SLX4IP: variants seen among roughly 807,000 people sequenced by gnomAD.
The protein encoded by SLX4IP is SLX4 interacting protein.
A neutral mutation model predicts 32.9 loss-of-function variants in SLX4IP; 34 were observed. That is an observed-to-expected ratio of 1.03 (90% confidence interval 0.79 to 1.38). SLX4IP has a LOEUF of 1.38. Ranked by LOEUF, SLX4IP falls within the 40% of genes most tolerant of loss-of-function variation. The probability of loss-of-function intolerance (pLI) is 0.00; values close to 1 mark genes in which losing one functional copy is unlikely to be tolerated. For missense variants in SLX4IP, 444 were observed against 479.0 expected, an observed-to-expected ratio of 0.93 and a Z score of 0.68; for synonymous variants, 172 against 171.7, an observed-to-expected ratio of 1.00 and a Z score of -0.01.
chr20:10,477,801 A>T (rs1039510212), intron 2 of SLX4IP, among the ~76,000 whole-genome samples: 19 of 152,192 alleles, frequency 1.2e-4, no homozygotes, highest in Admixed American at 5.2e-4. Context: ...ATCTATTTTA[A>T]GATTATATAG....
chr20:10,488,806 T>A (rs560757931), intron 2 of SLX4IP, among the ~76,000 whole-genome samples: 24 of 152,106 alleles, frequency 1.6e-4, no homozygotes, highest in Non-Finnish European at 3.2e-4. Flanking sequence ...CATTCAAGAG[T>A]CATTGGTGAT....
chr20:10,538,296 G>T (rs1157584887), intron 2 of SLX4IP, among the ~76,000 whole-genome samples: 1 of 151,994 alleles, frequency 6.6e-6, no homozygotes, highest in Non-Finnish European at 1.5e-5. Context: ...TTTAGACAAG[G>T]TTTCTCTACT....
At chr20:10,551,339 G>A (rs2066216238) in intron 2 of SLX4IP, among the ~76,000 whole-genome samples, 2 of 152,178 alleles carry the variant, frequency 1.3e-5, no homozygotes, top group African/African-American at 2.4e-5. Context: ...CCAGAATAGG[G>A]AGAGAGGAAG....
chr20:10,590,421 C>A (rs561003859), intron 4 of SLX4IP, among the ~76,000 whole-genome samples: 1 of 151,884 alleles, frequency 6.6e-6, no homozygotes, highest in East Asian at 1.9e-4. Flanking sequence ...AGTGCAGTGG[C>A]GCGATCTCGG....
chr20:10,595,047 G>A (rs1052066609), intron 4 of SLX4IP, among the ~76,000 whole-genome samples: 5 of 152,054 alleles, frequency 3.3e-5, no homozygotes, highest in East Asian at 1.9e-4. Context: ...AGCTTTTTAC[G>A]ACATACAGAG....
At chr20:10,610,623 C>T (rs1378781383) in intron 6 of SLX4IP, among the ~76,000 whole-genome samples, 3 of 152,352 alleles carry the variant, frequency 2.0e-5, no homozygotes, top group Non-Finnish European at 4.4e-5. Flanking sequence ...GTGCTAGCCC[C>T]TGTGCCAAGT....
At chr20:10,547,884 C>A (rs1363163368) in intron 2 of SLX4IP, among the ~76,000 whole-genome samples, 1 of 152,198 alleles carries the variant, frequency 6.6e-6, no homozygotes, top group Non-Finnish European at 1.5e-5. Flanking sequence ...GAAGGCAGCT[C>A]CTCCACAAAG....
chr20:10,621,521 C>T, intron 7 of SLX4IP, 107 bp downstream of exon 7: 2 of 927,932 alleles, frequency 2.2e-6, no homozygotes, highest in Non-Finnish European at 1.7e-6. Context: ...AGCACAAACT[C>T]CCCTCCGTCA....
chr20:10,501,773 A>G (rs1356047736), intron 2 of SLX4IP, among the ~76,000 whole-genome samples: 1 of 152,254 alleles, frequency 6.6e-6, no homozygotes, highest in Non-Finnish European at 1.5e-5. Flanking sequence ...GGCCATGAAG[A>G]AAAGTTCGTG....
chr20:10,490,869 G>T (rs1822572588), intron 2 of SLX4IP, among the ~76,000 whole-genome samples: 1 of 152,136 alleles, frequency 6.6e-6, no homozygotes, highest in Admixed American at 6.5e-5. Context: ...TGAATGCTCT[G>T]ATTCAGTAGC....
chr20:10,578,109 G>C (rs1210791558), intron 4 of SLX4IP, among the ~76,000 whole-genome samples: 4 of 152,120 alleles, frequency 2.6e-5, no homozygotes, highest in Non-Finnish European at 4.4e-5. Context: ...CAATTCACCT[G>C]TTTAAAGTAT....
At chr20:10,616,202 G>A (rs1315621496) in intron 6 of SLX4IP, among the ~76,000 whole-genome samples, 2 of 151,730 alleles carry the variant, frequency 1.3e-5, no homozygotes, top group African/African-American at 4.8e-5. Flanking sequence ...ATTGTGTTGG[G>A]TCTCCCATCA....
intron 6 of SLX4IP, among the ~76,000 whole-genome samples, chr20:10,609,126 C>T (rs1481647428): frequency 1.3e-5 from 2 of 152,094 alleles, no homozygotes; most frequent in African/African-American, 2.4e-5. Context: ...TCAACACCTT[C>T]GATTTCCAGT....
intron 2 of SLX4IP, among the ~76,000 whole-genome samples, chr20:10,477,354 C>A (rs1006482570): frequency 3.3e-5 from 5 of 152,134 alleles, no homozygotes; most frequent in African/African-American, 1.2e-4. Context: ...CCATGTTGGT[C>A]AGGCTGGTCT....
At chr20:10,482,872 A>C (rs1394900666) in intron 2 of SLX4IP, among the ~76,000 whole-genome samples, 1 of 152,188 alleles carries the variant, frequency 6.6e-6, no homozygotes, top group African/African-American at 2.4e-5. Flanking sequence ...ATAAAATTGT[A>C]CCTTAATAAA....
intron 2 of SLX4IP, among the ~76,000 whole-genome samples, chr20:10,515,785 ATTAT>A (rs1309949532): frequency 6.6e-6 from 1 of 152,190 alleles, no homozygotes; most frequent in Non-Finnish European, 1.5e-5. Flanking sequence ...GTATCAGATG[ATTAT>A]TTCTTTCTGA....
At chr20:10,583,259 A>G (rs899198725) in intron 4 of SLX4IP, among the ~76,000 whole-genome samples, 7 of 152,184 alleles carry the variant, frequency 4.6e-5, no homozygotes, top group Non-Finnish European at 4.4e-5. Context: ...AAATGTTAAA[A>G]ACGCCATTAA....
At chr20:10,478,808 T>G (rs1466375135) in intron 2 of SLX4IP, among the ~76,000 whole-genome samples, 3 of 152,318 alleles carry the variant, frequency 2.0e-5, no homozygotes, top group African/African-American at 7.2e-5. Context: ...AAAAGCTTAA[T>G]GAATCTGACC....
At chr20:10,446,142 G>A (rs1206902794) in intron 1 of SLX4IP, among the ~76,000 whole-genome samples, 3 of 151,818 alleles carry the variant, frequency 2.0e-5, no homozygotes, top group Non-Finnish European at 2.9e-5. Context: ...GGCCGGATGC[G>A]GTGGCTCATA....
Sources: allele counts gnomAD v4.1 joint callset (sites outside exome capture counted in the v4.1 genomes callset), GRCh38; gene constraint gnomAD v4.1.1; transcripts MANE v1.5; gene names NCBI Gene and HGNC (gene_info 2026-07-23, HGNC 2026-07-21).